YEATS2: variants seen among roughly 807,000 people sequenced by gnomAD.
YEATS2 encodes YEATS domain containing 2.
YEATS2 carries 77 observed loss-of-function variants against 163.2 expected under a neutral mutation model. That is an observed-to-expected ratio of 0.47 (90% confidence interval 0.39 to 0.57). The LOEUF (loss-of-function observed/expected upper bound fraction) is 0.57. YEATS2 is among the 20% of genes least tolerant of loss of function. The pLI, the probability that YEATS2 is intolerant of heterozygous loss-of-function variation, is 0.00. For missense variants in YEATS2, 1,549 were observed against 1,729.8 expected (o/e 0.90, Z 1.85); for synonymous variants, 631 against 645.1 (o/e 0.98, Z 0.33).
In YEATS2 at chr3:183,772,455, G is replaced by A. The variant is rs1722571450; in HGVS notation, c.2098G>A (p.Ala700Thr). The A allele has an allele frequency of 1.2e-6, 2 of 1,614,058 alleles. No homozygotes were observed. The highest frequency in any genetic ancestry group is 2.2e-5 in the East Asian group (1 of 44,898). Residue 700 changes from alanine (A) to threonine (T), a missense_variant, in exon 16 of 31, where the codon GCA becomes ACA. Coordinates refer to ENST00000305135, the MANE Select transcript of YEATS2 (RefSeq NM_018023.5). ...KQVVTQGVAK[A>T]IVSGGGGTIV... is the part of the protein sequence containing the mutation. ...AGTTGTAACCCAAGGAGTTGCCAAAGCAATTGTGAGTGGAGGTGGAGGAAC... is the reference window on the plus strand; with the variant it reads ...AGTTGTAACCCAAGGAGTTGCCAAAACAATTGTGAGTGGAGGTGGAGGAAC...
chr3:183,798,335 C>G (rs919996478), intron 22 of YEATS2, among the ~76,000 whole-genome samples: 1 of 152,152 alleles, frequency 6.6e-6, no homozygotes, highest in African/African-American at 2.4e-5. Context: ...TAAGAATTTA[C>G]ATTAATTGGA....
At chr3:183,807,353 G>C in intron 28 of YEATS2, 1 of 437,496 alleles carries the variant, frequency 2.3e-6, no homozygotes, top group South Asian at 2.5e-5. Flanking sequence ...GAACGCAGAC[G>C]TGAAGCAAAG....
intron 19 of YEATS2, among the ~76,000 whole-genome samples, chr3:183,779,277 A>G (rs1044883106): frequency 3.3e-5 from 5 of 152,206 alleles, no homozygotes; most frequent in African/African-American, 1.2e-4. Context: ...GAGGTTTATC[A>G]GTTGTATTGA....
chr3:183,761,397 T>C, intron 13 of YEATS2, 110 bp from the exon 14 acceptor site: 1 of 1,090,290 alleles, frequency 9.2e-7, no homozygotes, highest in Non-Finnish European at 1.4e-6. Context: ...AGTCTTTTTA[T>C]TTCTTTATAT....
At chr3:183,741,659 G>C (rs56365888) in intron 8 of YEATS2, among the ~76,000 whole-genome samples, 1,820 of 152,158 alleles carry the variant, frequency 0.012, 39 homozygotes, top group African/African-American at 0.042. Context: ...GGTCACACCT[G>C]TAGTCCCAGC....
At chr3:183,765,849 A>C (rs547070296) in intron 15 of YEATS2, among the ~76,000 whole-genome samples, 1 of 152,090 alleles carries the variant, frequency 6.6e-6, no homozygotes, top group Admixed American at 6.6e-5. Flanking sequence ...TGGGAGGCTG[A>C]GGCAGGAGAA....
chr3:183,715,349 C>A, intron 2 of YEATS2, 87 bp downstream of exon 2: 1 of 984,478 alleles, frequency 1.0e-6, no homozygotes, highest in Non-Finnish European at 1.6e-6. Flanking sequence ...AATGAATTTC[C>A]ACTGTTATGT....
chr3:183,756,056 G>A (rs533457608), intron 11 of YEATS2, among the ~76,000 whole-genome samples: 11 of 152,074 alleles, frequency 7.2e-5, no homozygotes, highest in East Asian at 1.9e-4. Flanking sequence ...TCTCATGCCC[G>A]GTCTCTAATT....
At chr3:183,719,756 T>C (rs561189241) in intron 4 of YEATS2, among the ~76,000 whole-genome samples, 3 of 152,236 alleles carry the variant, frequency 2.0e-5, no homozygotes, top group South Asian at 2.1e-4. Flanking sequence ...GCTTCACTTA[T>C]AGCCTCCAAC....
chr3:183,760,916 C>T (rs1721283298), intron 13 of YEATS2, among the ~76,000 whole-genome samples: 1 of 152,024 alleles, frequency 6.6e-6, no homozygotes, highest in Non-Finnish European at 1.5e-5. Flanking sequence ...TCGGGGAAGA[C>T]CAATAAAGTC....
At chr3:183,698,498 A>T (rs1475184223) in intron 1 of YEATS2, among the ~76,000 whole-genome samples, 1 of 152,146 alleles carries the variant, frequency 6.6e-6, no homozygotes, top group East Asian at 1.9e-4. Flanking sequence ...TGCGGGGCGG[A>T]GTGGAAGCCT....
chr3:183,778,764 T>C (rs561890253), intron 19 of YEATS2, among the ~76,000 whole-genome samples: 208 of 152,322 alleles, frequency 1.4e-3, no homozygotes, highest in African/African-American at 4.8e-3. Context: ...GCTTTTCCTT[T>C]CTTTTCTCTT....
At chr3:183,801,391 T>C (rs968249934) in intron 24 of YEATS2, 64 bp from the exon 25 acceptor site, 4 of 1,166,408 alleles carry the variant, frequency 3.4e-6, no homozygotes, top group Non-Finnish European at 3.7e-6. Context: ...ATGGCATATA[T>C]ATGGCTATAG....
chr3:183,736,063 T>G (rs1045482381), intron 7 of YEATS2, among the ~76,000 whole-genome samples: 1 of 152,178 alleles, frequency 6.6e-6, no homozygotes, highest in African/African-American at 2.4e-5. Context: ...CATGTGCCCA[T>G]CACCAGTTAT....
intron 20 of YEATS2, among the ~76,000 whole-genome samples, chr3:183,788,337 TTC>T (rs978562935): frequency 6.6e-5 from 10 of 152,116 alleles, no homozygotes; most frequent in African/African-American, 2.4e-4. Flanking sequence ...ACCACCATTC[TTC>T]TCTCTGTCTT....
At chr3:183,714,520 T>A (rs190912189) in intron 1 of YEATS2, among the ~76,000 whole-genome samples, 1 of 152,142 alleles carries the variant, frequency 6.6e-6, no homozygotes, top group East Asian at 1.9e-4. Context: ...AATGGGATTG[T>A]TTTATTCAAA....
At chr3:183,749,386 G>C (rs919712991) in intron 9 of YEATS2, among the ~76,000 whole-genome samples, 1 of 152,088 alleles carries the variant, frequency 6.6e-6, no homozygotes. Context: ...CTTTAGAACT[G>C]TTTTCGTCTT....
intron 17 of YEATS2, among the ~76,000 whole-genome samples, chr3:183,774,843 C>T (rs543078594): frequency 6.6e-6 from 1 of 152,216 alleles, no homozygotes; most frequent in Admixed American, 6.5e-5. Context: ...TTTCCTCATA[C>T]CTAAGCAGTG....
chr3:183,764,614 A>G (rs1348710349), intron 15 of YEATS2, among the ~76,000 whole-genome samples: 1 of 151,998 alleles, frequency 6.6e-6, no homozygotes, highest in East Asian at 1.9e-4. Context: ...GTTCGAGATC[A>G]GGCCAACATA....
Sources: gnomAD v4.1 joint callset for allele counts (sites outside exome capture counted in the v4.1 genomes callset) on GRCh38, gnomAD v4.1.1 for gene constraint, MANE v1.5 for transcripts, NCBI Gene and HGNC (gene_info 2026-07-23, HGNC 2026-07-21) for gene names.